The following ALCAM variants were observed in gnomAD, a reference collection of about 807,000 sequenced individuals.
The protein encoded by ALCAM is CD166 antigen.
Under a neutral mutation model 70.9 loss-of-function variants are expected in ALCAM, and 30 were observed. The observed-to-expected ratio is 0.42, with a 90% CI of 0.32 to 0.57. ALCAM has a LOEUF of 0.57. Ranked by LOEUF, ALCAM falls within the 20% of genes least tolerant of loss-of-function variation. ALCAM has a pLI of 0.11. For missense variants in ALCAM, 591 were observed against 695.1 expected, an observed-to-expected ratio of 0.85 and a Z score of 1.68; for synonymous variants, 249 against 242.5, an observed-to-expected ratio of 1.03 and a Z score of -0.25.
At chr3:105,379,650 T>C (rs1018987385) in intron 1 of ALCAM, among the ~76,000 whole-genome samples, 30 of 151,992 alleles carry the variant, frequency 2.0e-4, no homozygotes, top group African/African-American at 7.0e-4. Context: ...AATTATGATT[T>C]TAAATACATT....
chr3:105,522,107 C>T (rs1324720139), intron 2 of ALCAM, among the ~76,000 whole-genome samples: 1 of 152,132 alleles, frequency 6.6e-6, no homozygotes, highest in Non-Finnish European at 1.5e-5. Flanking sequence ...GGGAGCAGCA[C>T]AGTTAGTGAA....
At chr3:105,460,329 G>A (rs941657055) in intron 1 of ALCAM, among the ~76,000 whole-genome samples, 1 of 151,986 alleles carries the variant, frequency 6.6e-6, no homozygotes. Flanking sequence ...GCTTCTAATA[G>A]AGAAAGTCAA....
chr3:105,536,931 G>T (rs985174002), intron 6 of ALCAM, among the ~76,000 whole-genome samples: 2 of 152,072 alleles, frequency 1.3e-5, no homozygotes, highest in Non-Finnish European at 2.9e-5. Flanking sequence ...GATTTAGTGG[G>T]TATAGGACGG....
intron 1 of ALCAM, among the ~76,000 whole-genome samples, chr3:105,508,839 G>T (rs1471243363): frequency 6.6e-5 from 10 of 151,860 alleles, no homozygotes; most frequent in Non-Finnish European, 1.5e-4. Context: ...GTCCTATACA[G>T]TTGTAACTTT....
chr3:105,424,672 A>G (rs1326198154), intron 1 of ALCAM, among the ~76,000 whole-genome samples: 2 of 151,758 alleles, frequency 1.3e-5, no homozygotes, highest in African/African-American at 4.8e-5. Flanking sequence ...AGGAAAAGAT[A>G]AATCTGTTTG....
intron 1 of ALCAM, among the ~76,000 whole-genome samples, chr3:105,403,561 G>A (rs1303800181): frequency 6.6e-6 from 1 of 152,082 alleles, no homozygotes. Context: ...GGAGCACCCT[G>A]TGGGACAAAA....
intron 2 of ALCAM, among the ~76,000 whole-genome samples, chr3:105,523,010 C>T (rs547520206): frequency 8.6e-5 from 13 of 151,834 alleles, no homozygotes; most frequent in Non-Finnish European, 1.6e-4. Context: ...CGTGGTGGCG[C>T]GTGCCTGTAG....
intron 1 of ALCAM, among the ~76,000 whole-genome samples, chr3:105,409,487 A>G (rs1298147589): frequency 6.6e-6 from 1 of 152,118 alleles, no homozygotes; most frequent in Non-Finnish European, 1.5e-5. Context: ...ATTTTCACTC[A>G]TATGTGGGAG....
intron 3 of ALCAM, among the ~76,000 whole-genome samples, chr3:105,527,634 A>T (rs918948642): frequency 6.6e-6 from 1 of 151,668 alleles, no homozygotes; most frequent in Non-Finnish European, 1.5e-5. Context: ...CTCCAGCTCT[A>T]AAAAAAATTT....
chr3:105,436,133 A>G (rs758116986), intron 1 of ALCAM, among the ~76,000 whole-genome samples: 12 of 152,148 alleles, frequency 7.9e-5, no homozygotes, highest in African/African-American at 1.2e-4. Flanking sequence ...CCATGATTCA[A>G]TCATCTCCCA....
At chr3:105,420,691 C>T (rs1175298205) in intron 1 of ALCAM, among the ~76,000 whole-genome samples, 3 of 151,654 alleles carry the variant, frequency 2.0e-5, no homozygotes, top group Non-Finnish European at 4.4e-5. Context: ...CTACCAGCTT[C>T]TAAAGATCTA....
At chr3:105,388,232 G>T (rs1447903585) in intron 1 of ALCAM, among the ~76,000 whole-genome samples, 1 of 151,422 alleles carries the variant, frequency 6.6e-6, no homozygotes, top group Non-Finnish European at 1.5e-5. Flanking sequence ...TAAACCTATA[G>T]AATACAGTTG....
At chr3:105,369,861 A>G (rs1935182033) in intron 1 of ALCAM, among the ~76,000 whole-genome samples, 1 of 152,146 alleles carries the variant, frequency 6.6e-6, no homozygotes, top group African/African-American at 2.4e-5. Flanking sequence ...AAATATATGA[A>G]CCACGAAAAC....
At chr3:105,450,670 T>C (rs896306874) in intron 1 of ALCAM, among the ~76,000 whole-genome samples, 1 of 152,224 alleles carries the variant, frequency 6.6e-6, no homozygotes, top group Non-Finnish European at 1.5e-5. Flanking sequence ...TTTTTCTATA[T>C]GTCTCAGACA....
At chr3:105,504,770 C>T (rs1939023718) in intron 1 of ALCAM, among the ~76,000 whole-genome samples, 1 of 152,184 alleles carries the variant, frequency 6.6e-6, no homozygotes, top group South Asian at 2.1e-4. Flanking sequence ...GGAAATGCAA[C>T]ATTTGGGCAG....
rs748308492 is a variant in ALCAM at position 105,547,220 on chromosome 3, C to T, written c.1176C>T (p.Cys392=). The change falls in exon 10 of 16, where the codon TGC becomes TGT. Residue 392 remains cysteine (C), a synonymous_variant. Coordinates refer to ENST00000306107, the MANE Select transcript of ALCAM (RefSeq NM_001627.4). ...ATCAGGATGCTGGAAACTATGTCTG[C>T]GAAACTGCTCTGCAGGAGGTTGAAG... is the stretch of plus-strand genomic sequence containing the variant. ...LHYQDAGNYV[C]ETALQEVEGL... 77 of 1,608,346 alleles carry T rather than the reference C, an allele frequency of 4.8e-5. No homozygotes were observed. Among genetic ancestry groups the T allele is most frequent in the East Asian group, 2.2e-4 (10 of 44,790 alleles).
At chr3:105,407,170 TAGAG>T (rs1217306577) in intron 1 of ALCAM, among the ~76,000 whole-genome samples, 1 of 151,938 alleles carries the variant, frequency 6.6e-6, no homozygotes, top group Non-Finnish European at 1.5e-5. Context: ...TTCCAAAAGA[TAGAG>T]AAAGAGGGAA....
chr3:105,569,070 T>G (rs1037924772), intron 14 of ALCAM, among the ~76,000 whole-genome samples: 3 of 125,802 alleles, frequency 2.4e-5, no homozygotes, highest in African/African-American at 2.6e-5. Flanking sequence ...TACATTGTTG[T>G]TTTTTTTTTA....
At chr3:105,550,832 C>CT (rs1940384351) in intron 12 of ALCAM, among the ~76,000 whole-genome samples, 1 of 151,764 alleles carries the variant, frequency 6.6e-6, no homozygotes, top group African/African-American at 2.4e-5. Flanking sequence ...ATAAGTGAAA[C>CT]TATCTCAGAG....
Sources: gnomAD v4.1 joint callset for allele counts (sites outside exome capture counted in the v4.1 genomes callset) on GRCh38, gnomAD v4.1.1 for gene constraint, MANE v1.5 for transcripts, NCBI Gene and HGNC (gene_info 2026-07-23, HGNC 2026-07-21) for gene names.